STS: variants seen among roughly 807,000 people sequenced by gnomAD.
STS encodes steroid sulfatase.
STS carries 7 observed loss-of-function variants against 26.8 expected under a neutral mutation model. The observed-to-expected ratio is 0.26, with a 90% CI of 0.15 to 0.49. STS has a LOEUF of 0.49. Ranked by LOEUF, STS falls within the 20% of genes least tolerant of loss-of-function variation. The probability of loss-of-function intolerance (pLI) is 0.98; values close to 1 mark genes in which losing one functional copy is unlikely to be tolerated. For missense variants in STS, 434 were observed against 465.6 expected, an observed-to-expected ratio of 0.93 and a Z score of 0.63; for synonymous variants, 199 against 189.4, an observed-to-expected ratio of 1.05 and a Z score of -0.42.
At chrX:7,336,041 G>A (rs758355138) in intron 10 of STS, among the ~76,000 whole-genome samples, 37 of 111,709 alleles carry the variant, frequency 3.3e-4, no homozygotes, top group African/African-American at 9.8e-4. Flanking sequence ...GTCAGGTAGC[G>A]TGAAACTTAG....
intron 2 of STS, among the ~76,000 whole-genome samples, chrX:7,241,896 C>T (rs982122528): frequency 1.8e-5 from 2 of 111,723 alleles, no homozygotes; most frequent in Non-Finnish European, 3.8e-5. Flanking sequence ...GCAGGCAGGA[C>T]TTAGTTCCTT....
intron 10 of STS, among the ~76,000 whole-genome samples, chrX:7,334,689 T>G (rs1177215549): frequency 8.9e-6 from 1 of 112,623 alleles, no homozygotes; most frequent in African/African-American, 3.2e-5. Context: ...TTATCTGACT[T>G]ACTTTCCCAG....
intron 2 of STS, among the ~76,000 whole-genome samples, chrX:7,237,351 T>C (rs1189290973): frequency 9.0e-6 from 1 of 111,046 alleles, no homozygotes; most frequent in Non-Finnish European, 1.9e-5. Flanking sequence ...GATTTCACCA[T>C]GTTAACCAGG....
In STS at chrX:7,257,422, G is replaced by A. The variant is rs776225009; in HGVS notation, c.260-44G>A. ...CACCTTCGGGACAGTCTCCCACCTC[G>A]AGGTATCTCCTGGTTCCTAAGGGTT... On this transcript the variant is annotated intron_variant, in intron 4 of 10. Transcript: ENST00000674429. 1.2e-5 allele frequency: 15 copies of A among 1,210,794 alleles called. No individual in the cohort carries two copies. The East Asian group carries it at 1.5e-4, about 12-fold the overall frequency.
At chrX:7,157,325 T>G (rs1344517695) in intron 1 of STS, among the ~76,000 whole-genome samples, 1 of 111,464 alleles carries the variant, frequency 9.0e-6, no homozygotes, top group Non-Finnish European at 1.9e-5. Flanking sequence ...GTGCCCTTCT[T>G]CTGTGGGACT....
chrX:7,234,442 C>T (rs1210678953), intron 2 of STS, among the ~76,000 whole-genome samples: 1 of 111,970 alleles, frequency 8.9e-6, no homozygotes, highest in Admixed American at 9.5e-5. Context: ...AGGAAAGGGA[C>T]TTCTCTTGGT....
chrX:7,147,632 G>C (rs1156282858), upstream of STS, among the ~76,000 whole-genome samples: 1 of 112,286 alleles, frequency 8.9e-6, no homozygotes, highest in Non-Finnish European at 1.9e-5. Context: ...CTTTGCAGAC[G>C]GGGAAGCTGA....
intron 7 of STS, among the ~76,000 whole-genome samples, chrX:7,282,439 G>A (rs1348337637): frequency 1.8e-5 from 2 of 112,160 alleles, no homozygotes; most frequent in African/African-American, 6.5e-5. Context: ...GGGCTCAAGC[G>A]ATCCTCCCAT....
At chrX:7,231,217 C>G (rs1421554306) in intron 2 of STS, among the ~76,000 whole-genome samples, 3 of 111,677 alleles carry the variant, frequency 2.7e-5, no homozygotes, top group African/African-American at 9.8e-5. Context: ...CTGACAGGCA[C>G]AGGGATCTCC....
At chrX:7,161,187 G>A (rs888576153) in intron 1 of STS, among the ~76,000 whole-genome samples, 4 of 108,330 alleles carry the variant, frequency 3.7e-5, no homozygotes, top group Non-Finnish European at 7.6e-5. Context: ...GGCTGGTCTC[G>A]AACTCCTGAC....
At chrX:7,184,846 A>G (rs1933744448) in intron 1 of STS, among the ~76,000 whole-genome samples, 3 of 112,296 alleles carry the variant, frequency 2.7e-5, no homozygotes, top group African/African-American at 9.7e-5. Context: ...TTTTATAGTA[A>G]TGCACTGGTA....
rs1482576982 is a variant in STS, at chrX:7,310,882, C to T, written c.1081+5699C>T. Among the ~76,000 whole-genome samples, 12 of 111,432 alleles carry T rather than the reference C, an allele frequency of 1.1e-4. 1 individual carries two copies. Among genetic ancestry groups the T allele is most frequent in the African/African-American group, 3.3e-4 (10 of 30,620 alleles). ...TTCAGCTGCCCACTTGCCACATGAC[C>T]TGGAAGCTCAGTAGGCATGTCATCT... is the stretch of plus-strand genomic sequence containing the variant. On this transcript the variant is annotated intron_variant, in intron 8 of 10. Coordinates refer to ENST00000674429, the MANE Select transcript of STS (RefSeq NM_001320752.2).
intron 2 of STS, among the ~76,000 whole-genome samples, chrX:7,240,382 C>T (rs991286879): frequency 3.8e-5 from 4 of 104,731 alleles, no homozygotes; most frequent in African/African-American, 1.4e-4. Flanking sequence ...TGTTCAATTT[C>T]AATAAAATGG....
At chrX:7,220,260 C>T (rs1315808732) in intron 2 of STS, among the ~76,000 whole-genome samples, 4 of 111,367 alleles carry the variant, frequency 3.6e-5, no homozygotes, top group African/African-American at 9.8e-5. Context: ...TTTCCATAAA[C>T]GAATCCCTTC....
At chrX:7,247,140 G>C (rs1401619114) in intron 2 of STS, among the ~76,000 whole-genome samples, 2 of 111,972 alleles carry the variant, frequency 1.8e-5, no homozygotes, top group African/African-American at 6.5e-5. Flanking sequence ...TCTAGGATTA[G>C]TCCCATGGAT....
At chrX:7,304,906 G>T in intron 7 of STS, 140 bp from the exon 8 acceptor site, 3 of 702,264 alleles carry the variant, frequency 4.3e-6, no homozygotes, top group Non-Finnish European at 6.6e-6. Flanking sequence ...ATTGCATCAC[G>T]TCTCATGCTG....
At chrX:7,290,788 C>A (rs1925377649) in intron 7 of STS, among the ~76,000 whole-genome samples, 1 of 111,982 alleles carries the variant, frequency 8.9e-6, no homozygotes, top group African/African-American at 3.2e-5. Context: ...ACTTCTTTCT[C>A]TGTAAAATGA....
At chrX:7,214,352 A>G (rs916376629) in intron 2 of STS, among the ~76,000 whole-genome samples, 4 of 111,428 alleles carry the variant, frequency 3.6e-5, no homozygotes, top group South Asian at 7.6e-4. Context: ...AAGCCTTCAC[A>G]TGGTCACAGT....
Position 7,259,468 on chromosome X carries a change from G to A in STS, c.502G>A (p.Gly168Arg), listed in dbSNP as rs1312714145. 5.8e-6 allele frequency: 7 copies of A among 1,211,566 alleles called. No homozygotes were observed. The highest frequency in any genetic ancestry group is 5.9e-5 in the East Asian group (2 of 33,818). ...GACCAATCTGAGAGACTGCAAGCCCGGAGAGGGCAGTGTCTTCACCACGGG... is the reference window on the plus strand; with the variant it reads ...GACCAATCTGAGAGACTGCAAGCCCAGAGAGGGCAGTGTCTTCACCACGGG... ...SLTNLRDCKP[G>R]EGSVFTTGFK... Residue 168 changes from glycine (G) to arginine (R), a missense_variant, in exon 6 of 11, where the codon GGA (glycine) becomes AGA (arginine). Physicochemically the swap from Gly to Arg is moderately radical, Grantham distance 125 (BLOSUM62 -2). Coordinates refer to ENST00000674429, the MANE Select transcript of STS (RefSeq NM_001320752.2).
Sources: gnomAD v4.1 joint callset for allele counts (sites outside exome capture counted in the v4.1 genomes callset) on GRCh38, gnomAD v4.1.1 for gene constraint, MANE v1.5 for transcripts, NCBI Gene and HGNC (gene_info 2026-07-23, HGNC 2026-07-21) for gene names.